DAB1: variants seen among roughly 807,000 people sequenced by gnomAD.
DAB1 encodes the protein DAB adaptor protein 1, also known as disabled homolog 1.
A neutral mutation model predicts 64.6 loss-of-function variants in DAB1; 15 were observed. The observed-to-expected ratio is 0.23, with a 90% CI of 0.16 to 0.36. The LOEUF (loss-of-function observed/expected upper bound fraction) is 0.36. Ranked by LOEUF, DAB1 falls within the 10% of genes least tolerant of loss-of-function variation. The pLI is 1.00. For missense variants in DAB1, 596 were observed against 706.7 expected, an observed-to-expected ratio of 0.84 and a Z score of 1.78; for synonymous variants, 235 against 251.9, an observed-to-expected ratio of 0.93 and a Z score of 0.64.
rs113778065 is a variant in DAB1 at position 57,985,056 on chromosome 1, C to T, written n.388-100894G>A. On this transcript the variant is annotated intron_variant and non_coding_transcript_variant, in intron 5 of 20. Coordinates refer to the DAB1 transcript ENST00000485760. ...TCAAGTAGCTGGGATTACAGGCGCA[C>T]GCCACCAGGCCCAACTAATTTTTGT... Among the ~76,000 whole-genome samples the T allele has an allele frequency of 7.4e-3, 1,128 of 152,150 alleles. 18 individuals carry two copies. The highest frequency in any genetic ancestry group is 0.026 in the African/African-American group (1,072 of 41,502).
chr1:57,300,297 A>G (rs888964724), intron 1 of DAB1, among the ~76,000 whole-genome samples: 1 of 152,200 alleles, frequency 6.6e-6, no homozygotes, highest in African/African-American at 2.4e-5. Context: ...AGGGAAAAAG[A>G]GACAGTGATT....
At chr1:57,812,227 G>A (rs1305477240) in intron 6 of DAB1, among the ~76,000 whole-genome samples, 2 of 149,204 alleles carry the variant, frequency 1.3e-5, no homozygotes, top group African/African-American at 4.9e-5. Flanking sequence ...AGAGGGAAGA[G>A]TCCATGGTCT....
chr1:57,222,659 T>C (rs771640368), intron 2 of DAB1, among the ~76,000 whole-genome samples: 32 of 152,108 alleles, frequency 2.1e-4, no homozygotes, highest in Non-Finnish European at 3.8e-4. Context: ...CTGGACCTGA[T>C]TCACTACAGT....
intron 7 of DAB1, among the ~76,000 whole-genome samples, chr1:57,597,772 C>G (rs1645527897): frequency 6.6e-6 from 1 of 152,162 alleles, no homozygotes; most frequent in Non-Finnish European, 1.5e-5. Context: ...TTCCCATAAC[C>G]ATAGAGTAAG....
intron 6 of DAB1, among the ~76,000 whole-genome samples, chr1:57,799,733 G>C (rs1416620903): frequency 6.6e-6 from 1 of 152,138 alleles, no homozygotes; most frequent in African/African-American, 2.4e-5. Context: ...ACATTTTTGA[G>C]TGGTTAAAAA....
chr1:57,301,186 C>CA (rs146289550), intron 1 of DAB1, among the ~76,000 whole-genome samples: 2,249 of 152,236 alleles, frequency 0.015, 43 homozygotes, highest in African/African-American at 0.052. Flanking sequence ...GGTCAGCACA[C>CA]ATTTCCTAAA....
intron 2 of DAB1, among the ~76,000 whole-genome samples, chr1:57,244,754 G>A (rs187996790): frequency 6.6e-6 from 1 of 152,156 alleles, no homozygotes; most frequent in South Asian, 2.1e-4. Context: ...GTAAAATGAG[G>A]TAATAATAAA....
chr1:57,372,484 C>G (rs1680577470), intron 1 of DAB1, among the ~76,000 whole-genome samples: 1 of 152,194 alleles, frequency 6.6e-6, no homozygotes, highest in Non-Finnish European at 1.5e-5. Context: ...TGTTCAGAAA[C>G]ACACATAAAG....
At chr1:57,427,197 A>T (rs961238262), upstream of DAB1, among the ~76,000 whole-genome samples, 6 of 152,210 alleles carry the variant, frequency 3.9e-5, no homozygotes, top group African/African-American at 1.4e-4. Flanking sequence ...TGAATAAATC[A>T]GTCACCTGGT....
intron 6 of DAB1, among the ~76,000 whole-genome samples, chr1:57,775,552 A>G (rs983472215): frequency 7.1e-6 from 1 of 141,802 alleles, no homozygotes; most frequent in African/African-American, 2.8e-5. Flanking sequence ...CTAGATATTG[A>G]AAAAAAAATT....
intron 6 of DAB1, among the ~76,000 whole-genome samples, chr1:57,711,436 T>C (rs959614156): frequency 6.6e-6 from 1 of 152,248 alleles, no homozygotes; most frequent in African/African-American, 2.4e-5. Context: ...CTACTCTGGC[T>C]TCTTCCTGCT....
intron 7 of DAB1, among the ~76,000 whole-genome samples, chr1:57,641,679 A>C (rs1646132458): frequency 6.6e-6 from 1 of 150,462 alleles, no homozygotes; most frequent in Non-Finnish European, 1.5e-5. Context: ...TAATTCAGTA[A>C]CCCCAGCGTA....
intron 7 of DAB1, among the ~76,000 whole-genome samples, chr1:57,640,858 G>A (rs1368917669): frequency 6.6e-6 from 1 of 152,178 alleles, no homozygotes; most frequent in African/African-American, 2.4e-5. Flanking sequence ...GAATCTAGGG[G>A]CATGCAAGCT....
At chr1:58,501,072 G>A (rs1235213853) in intron 3 of DAB1, among the ~76,000 whole-genome samples, 4 of 152,096 alleles carry the variant, frequency 2.6e-5, no homozygotes, top group Admixed American at 6.6e-5. Flanking sequence ...AAAATATGTG[G>A]AATATGTGTT....
At chr1:57,056,511 AAAAAAAAAAGAAAAAAAAG>A (rs1557640845) in intron 9 of DAB1, among the ~76,000 whole-genome samples, 1 of 151,206 alleles carries the variant, frequency 6.6e-6, no homozygotes, top group Non-Finnish European at 1.5e-5. Context: ...TCTCAAAAAA[AAAAAAAAAAGAAAAAAAAG>A]AAAAGAAAAG....
At chr1:58,434,002 C>A (rs1469164646) in intron 3 of DAB1, among the ~76,000 whole-genome samples, 1 of 151,786 alleles carries the variant, frequency 6.6e-6, no homozygotes, top group Non-Finnish European at 1.5e-5. Flanking sequence ...AGCAAGGAGG[C>A]CAATGAGGTA....
chr1:57,608,394 A>AGAG (rs1553199764), intron 7 of DAB1, among the ~76,000 whole-genome samples: 2 of 150,768 alleles, frequency 1.3e-5, no homozygotes, highest in South Asian at 2.1e-4. Context: ...ATATTAAAAA[A>AGAG]AGAGAGAGAG....
chr1:57,636,110 A>G (rs1558562501), intron 7 of DAB1, among the ~76,000 whole-genome samples: 1 of 142,968 alleles, frequency 7.0e-6, no homozygotes, highest in Admixed American at 6.7e-5. Flanking sequence ...AAAAAAAAAA[A>G]AAACAAAAAC....
At chr1:57,381,144 G>A (rs1329453429) in intron 1 of DAB1, among the ~76,000 whole-genome samples, 4 of 152,064 alleles carry the variant, frequency 2.6e-5, no homozygotes, top group Non-Finnish European at 5.9e-5. Context: ...ACCGTGAGGC[G>A]CTAGTTCTTA....
Sources: allele counts gnomAD v4.1 joint callset (sites outside exome capture counted in the v4.1 genomes callset), GRCh38; gene constraint gnomAD v4.1.1; transcripts MANE v1.5; gene names NCBI Gene and HGNC (gene_info 2026-07-23, HGNC 2026-07-21).